The following TMEM165 variants were observed in gnomAD, a reference collection of about 807,000 sequenced individuals.
TMEM165 encodes the protein transmembrane protein 165.
A neutral mutation model predicts 30.0 loss-of-function variants in TMEM165; 19 were observed. That is an observed-to-expected ratio of 0.63 (90% confidence interval 0.44 to 0.93). The LOEUF (loss-of-function observed/expected upper bound fraction) is 0.93. Among genes scored for constraint, TMEM165 ranks in the 40% least tolerant of loss-of-function variants. The probability of loss-of-function intolerance (pLI) is 0.00; values close to 1 mark genes in which losing one functional copy is unlikely to be tolerated. For missense variants in TMEM165, 340 were observed against 417.0 expected (o/e 0.82, Z 1.61); for synonymous variants, 168 against 162.9 (o/e 1.03, Z -0.24).
chr4:55,433,304 C>G (rs1441864122), intron 3 of TMEM165: 1 of 152,584 alleles, frequency 6.6e-6, no homozygotes, highest in Non-Finnish European at 1.5e-5. Flanking sequence ...ATGTTAATTA[C>G]TGATTGATAT....
chr4:55,437,950 C>T (rs968112712), intron 3 of TMEM165, among the ~76,000 whole-genome samples: 11 of 152,074 alleles, frequency 7.2e-5, no homozygotes, highest in Non-Finnish European at 1.5e-4. Context: ...TTATGGTTGG[C>T]TAGAAAAAGG....
intron 1 of TMEM165, among the ~76,000 whole-genome samples, chr4:55,400,004 C>T (rs576499317): frequency 1.4e-5 from 2 of 140,256 alleles, no homozygotes; most frequent in Non-Finnish European, 1.5e-5. Flanking sequence ...TAATTGTCTT[C>T]TTTTCTTCCT....
At chr4:55,413,147 A>AT (rs1371705353) in intron 2 of TMEM165, among the ~76,000 whole-genome samples, 4 of 151,226 alleles carry the variant, frequency 2.6e-5, no homozygotes, top group African/African-American at 9.7e-5. Flanking sequence ...GCCCAGCTAA[A>AT]TTTTTTGTTT....
rs1009062263 is a variant in TMEM165 at position 55,396,121 on chromosome 4, G to A, written c.-69G>A. 1 of 1,263,100 alleles carries A rather than the reference G, an allele frequency of 7.9e-7. No homozygotes were observed. Among genetic ancestry groups the A allele is most frequent in the Non-Finnish European group, 1.0e-6 (1 of 997,332 alleles). 78.2% of individuals were successfully genotyped at this position (1,263,100 alleles called of 1,614,324 possible). A position where few individuals can be genotyped will look rare whatever the true frequency, so the allele number is the denominator to read the frequency against. On this transcript the variant is annotated 5_prime_UTR_variant, in exon 1 of 6. Transcript: ENST00000381334. Reference sequence around the variant, plus strand: ...TGAGGACGCGCCGCGGAGGCTGTTCGGGGTCGAGGCTTCCCGTCGCCGGCA... The same window carrying A: ...TGAGGACGCGCCGCGGAGGCTGTTCAGGGTCGAGGCTTCCCGTCGCCGGCA...
intron 1 of TMEM165, among the ~76,000 whole-genome samples, chr4:55,400,172 A>G (rs1478188965): frequency 8.1e-6 from 1 of 123,346 alleles, no homozygotes; most frequent in South Asian, 2.2e-4. Flanking sequence ...TATATATATA[A>G]TATATATAAA....
In TMEM165 at chr4:55,404,924, T is replaced by G. The variant is rs185447482; in HGVS notation, c.208-6690T>G. On this transcript the variant is annotated intron_variant, in intron 1 of 5. Coordinates refer to ENST00000381334, the MANE Select transcript of TMEM165 (RefSeq NM_018475.5). ...ACTTAAAACAGCTCCTAAGTTTTTTTGAGTATCAAATGCAACAATGTGTCT... is the reference window on the plus strand; with the variant it reads ...ACTTAAAACAGCTCCTAAGTTTTTTGGAGTATCAAATGCAACAATGTGTCT... Among the ~76,000 whole-genome samples, 3 of 152,368 alleles carry G rather than the reference T, an allele frequency of 2.0e-5. No individual in the cohort carries two copies. In the East Asian group the frequency reaches 5.8e-4, roughly 29 times the overall value.
intron 3 of TMEM165, chr4:55,449,514 A>G: frequency 6.4e-7 from 1 of 1,573,046 alleles, no homozygotes; most frequent in East Asian, 2.2e-5. Context: ...CAACAAAATC[A>G]GAAGAGCATT....
chr4:55,450,069 G>T, intron 3 of TMEM165: 2 of 1,613,906 alleles, frequency 1.2e-6, no homozygotes, highest in African/African-American at 2.7e-5. Context: ...AAGGAAGTCT[G>T]CTTTGAAGCA....
chr4:55,425,452 AC>A lies in TMEM165; in HGVS notation c.*1del, dbSNP rs1722155461. Reference sequence around the variant, plus strand: ...TTATAAGCCCTGATTCTGGTTTTTAACAAGCTGTTTGTTCATCTATATTTAG... The same window carrying A: ...TTATAAGCCCTGATTCTGGTTTTTAAAAGCTGTTTGTTCATCTATATTTAG... On this transcript the variant is annotated 3_prime_UTR_variant, in exon 6 of 6. Transcript: ENST00000381334. 6.3e-7 allele frequency: 1 copy of A among 1,592,790 alleles called. No homozygotes were observed. Among genetic ancestry groups the A allele is most frequent in the African/African-American group, 1.4e-5 (1 of 72,764 alleles).
intron 2 of TMEM165, chr4:55,412,139 A>C: frequency 5.0e-6 from 2 of 399,824 alleles, no homozygotes. Flanking sequence ...TCACGCCTGT[A>C]ATCCCAGCAC....
rs1361338111 is a variant in TMEM165 at position 55,424,580 on chromosome 4, C to G, written c.835C>G (p.Leu279Val). The change falls in exon 5 of 6, where the codon CTG (leucine) becomes GTG (valine). Residue 279 changes from leucine to valine, a missense_variant. This residue lies in a region of TMEM165 where 220 missense variants were observed against 307.6 expected (regional missense o/e 0.72). Transcript: ENST00000381334. Reference protein sequence around the residue: ...VAVGGTVGHCLCTGLAVIGGR... With the variant: ...VAVGGTVGHCVCTGLAVIGGR... ...CGTGGGTGGAACTGTGGGGCACTGC[C>G]TGTGCACGGGATTGGCAGTAATTGG... 1 of 1,613,874 alleles carries G rather than the reference C, an allele frequency of 6.2e-7. No homozygotes were observed. Among genetic ancestry groups the G allele is most frequent in the African/African-American group, 1.3e-5 (1 of 74,902 alleles).
chr4:55,397,778 G>A (rs1462908168), intron 1 of TMEM165, among the ~76,000 whole-genome samples: 1 of 149,768 alleles, frequency 6.7e-6, no homozygotes, highest in African/African-American at 2.5e-5. Context: ...ACAGGGTCTC[G>A]CTCTGTCGCC....
chr4:55,412,645 A>T (rs919304704), intron 2 of TMEM165: 4 of 152,104 alleles, frequency 2.6e-5, no homozygotes, highest in African/African-American at 9.7e-5. Context: ...AAGCTGGTCC[A>T]AGTGCAATGG....
chr4:55,418,548 T>C lies in TMEM165; in HGVS notation c.792+563T>C, dbSNP rs1166562691. 2.0e-5 allele frequency among the ~76,000 whole-genome samples: 3 copies of C among 151,840 alleles called. No homozygotes were observed. In the East Asian group the frequency reaches 5.8e-4, roughly 30 times the overall value. ...AAAAAAAAAAAAAGTGTATAGCTTTTCGTTCATGTGTTACACTAAAGAAAT... is the reference window on the plus strand; with the variant it reads ...AAAAAAAAAAAAAGTGTATAGCTTTCCGTTCATGTGTTACACTAAAGAAAT... On this transcript the variant is annotated intron_variant, in intron 4 of 5. Transcript: ENST00000381334.
rs767851669 is a variant in TMEM165, at chr4:55,396,210, G to A, written c.21G>A (p.Gly7=). MAAAAP[G]NGRASAPRLL... is the part of the protein sequence containing the mutation. ...GCGGGATGGCGGCCGCGGCTCCAGG[G>A]AACGGCCGCGCATCGGCGCCCCGGC... The change falls in exon 1 of 6, where the codon GGG becomes GGA. Residue 7 remains glycine, a synonymous_variant. Coordinates refer to ENST00000381334, the MANE Select transcript of TMEM165 (RefSeq NM_018475.5). The A allele has an allele frequency of 1.0e-5, 15 of 1,446,156 alleles. No homozygotes were observed. The highest frequency in any genetic ancestry group is 1.9e-4 in the Middle Eastern group (1 of 5,350). 89.6% of individuals were successfully genotyped at this position (1,446,156 alleles called of 1,614,324 possible). A position where few individuals can be genotyped will look rare whatever the true frequency, so the allele number is the denominator to read the frequency against.
chr4:55,434,972 G>A (rs1266668781), intron 3 of TMEM165: 1 of 186,422 alleles, frequency 5.4e-6, no homozygotes, highest in African/African-American at 2.4e-5. Context: ...TCGCTACCAA[G>A]TCTACTGGAC....
chr4:55,417,979 T>C lies in TMEM165; in HGVS notation c.786T>C (p.Ala262=), dbSNP rs1578240736. The change falls in exon 4 of 6, where the codon GCT becomes GCC. Residue 262 remains alanine, a synonymous_variant. Transcript: ENST00000381334. ...RSQLTTIVLA[A]REDPYGVAVG... is the part of the protein sequence containing the mutation. ...AACTAACTACAATTGTATTGGCAGCTAGAGAGGTGAGTGATATTTGAGAGG... is the reference window on the plus strand; with the variant it reads ...AACTAACTACAATTGTATTGGCAGCCAGAGAGGTGAGTGATATTTGAGAGG... 2 of 1,605,650 alleles carry C rather than the reference T, an allele frequency of 1.2e-6. No homozygotes were observed. The highest frequency in any genetic ancestry group is 1.7e-6 in the Non-Finnish European group (2 of 1,177,304).
intron 3 of TMEM165, chr4:55,442,439 G>T (rs1293038946): frequency 1.2e-6 from 2 of 1,607,940 alleles, no homozygotes; most frequent in Non-Finnish European, 1.7e-6. Context: ...TACCTTATCT[G>T]CCTGTCCTGA....
chr4:55,431,724 A>G (rs1722516405), intron 3 of TMEM165: 1 of 152,268 alleles, frequency 6.6e-6, no homozygotes, highest in Admixed American at 6.5e-5. Flanking sequence ...AAAAAAGCAG[A>G]AATACTAAAG....
Sources: gnomAD v4.1 joint callset for allele counts (sites outside exome capture counted in the v4.1 genomes callset) on GRCh38, gnomAD v4.1.1 for gene constraint, gnomAD v4.1.1 regional missense constraint, MANE v1.5 for transcripts, NCBI Gene and HGNC (gene_info 2026-07-23, HGNC 2026-07-21) for gene names.